KYNU: variants seen among roughly 807,000 people sequenced by gnomAD.
KYNU encodes kynureninase.
Under a neutral mutation model 59.2 loss-of-function variants are expected in KYNU, and 54 were observed. That is an observed-to-expected ratio of 0.91 (90% CI 0.73 to 1.14). The LOEUF (loss-of-function observed/expected upper bound fraction) is 1.14. Ranked by LOEUF, KYNU falls within the 50% of genes most tolerant of loss-of-function variation. The probability of loss-of-function intolerance (pLI) is 0.00; values close to 1 mark genes in which losing one functional copy is unlikely to be tolerated. For missense variants in KYNU, 567 were observed against 554.4 expected (o/e 1.02, Z -0.23); for synonymous variants, 177 against 192.0 (o/e 0.92, Z 0.65).
chr2:142,944,669 CT>C (rs113445233), intron 4 of KYNU, among the ~76,000 whole-genome samples: 51 of 151,524 alleles, frequency 3.4e-4, no homozygotes, highest in Admixed American at 6.6e-4. Flanking sequence ...CTTTGGTTAA[CT>C]TTTAAAAAAA....
At chr2:143,013,278 C>T (rs1686162797) in intron 10 of KYNU, among the ~76,000 whole-genome samples, 1 of 148,272 alleles carries the variant, frequency 6.7e-6, no homozygotes, top group African/African-American at 2.6e-5. Context: ...CTGTCTCTCT[C>T]TGTTTCTCTG....
intron 2 of KYNU, among the ~76,000 whole-genome samples, chr2:142,912,718 T>TC (rs1466442933): frequency 1.4e-4 from 19 of 138,360 alleles, no homozygotes; most frequent in African/African-American, 4.7e-4. Flanking sequence ...TTTTTTTTTT[T>TC]TTTTTTTTTG....
chr2:142,909,172 T>TTG (rs3068478), intron 2 of KYNU, among the ~76,000 whole-genome samples: 4 of 152,004 alleles, frequency 2.6e-5, no homozygotes, highest in African/African-American at 9.7e-5. Flanking sequence ...TTTTTTTTTT[T>TTG]GTGGAAGTCA....
rs1349811935 is a variant in KYNU at position 143,052,788 on chromosome 2, TGAA to T, written c.*10621_*10623del. Reference sequence around the variant, plus strand: ...TCATGGAGAACCTCTGCTAGGGCAGTGAAGAAGGGAAAAGTATGGTGGGAGCCC... The same window carrying T: ...TCATGGAGAACCTCTGCTAGGGCAGTGAAGGGAAAAGTATGGTGGGAGCCC... On this transcript the variant is annotated 3_prime_UTR_variant, in exon 14 of 14. Coordinates refer to ENST00000264170, the MANE Select transcript of KYNU (RefSeq NM_003937.3). 1.3e-5 allele frequency: 2 copies of T among 152,272 alleles called. No homozygotes were observed. The highest frequency in any genetic ancestry group is 2.9e-5 in the Non-Finnish European group (2 of 68,080). The allele number at this position is 152,272 out of a possible 1,614,324, so 9.4% of individuals were successfully genotyped here.
intron 8 of KYNU, among the ~76,000 whole-genome samples, chr2:142,978,464 C>T (rs1205654850): frequency 6.6e-6 from 1 of 152,076 alleles, no homozygotes; most frequent in Non-Finnish European, 1.5e-5. Flanking sequence ...GGTCATACTC[C>T]ATGTTAATAC....
intron 10 of KYNU, among the ~76,000 whole-genome samples, chr2:142,996,938 C>T (rs551820466): frequency 6.6e-6 from 1 of 152,218 alleles, no homozygotes; most frequent in East Asian, 1.9e-4. Flanking sequence ...GAGTGAACTG[C>T]TGGTAGTGAT....
chr2:142,923,379 C>T (rs1682946048), intron 3 of KYNU, among the ~76,000 whole-genome samples: 1 of 152,114 alleles, frequency 6.6e-6, no homozygotes, highest in African/African-American at 2.4e-5. Flanking sequence ...AATATTTAGG[C>T]AATTCCAGTA....
intron 10 of KYNU, among the ~76,000 whole-genome samples, chr2:143,004,420 A>G (rs919212700): frequency 2.6e-5 from 4 of 152,164 alleles, no homozygotes; most frequent in Non-Finnish European, 5.9e-5. Context: ...GGAAATAAAA[A>G]ATAAAGGCAG....
At chr2:142,900,245 G>T (rs1169246540) in intron 2 of KYNU, among the ~76,000 whole-genome samples, 1 of 152,214 alleles carries the variant, frequency 6.6e-6, no homozygotes, top group Non-Finnish European at 1.5e-5. Flanking sequence ...TGAACACACT[G>T]CTGGATCCAG....
chr2:143,028,809 T>C lies in KYNU; in HGVS notation c.903-818T>C, dbSNP rs533108224. Among the ~76,000 whole-genome samples the C allele has an allele frequency of 2.0e-5, 3 of 151,882 alleles. No homozygotes were observed. The South Asian group carries it at 6.3e-4, about 32-fold the overall frequency. On this transcript the variant is annotated intron_variant, in intron 10 of 13. Transcript: ENST00000264170. Reference sequence around the variant, plus strand: ...GTTGTGGTGAGCCAAGATTGCTCCATTGCACTCCAGCCTGGGCAACAAGAG... The same window carrying C: ...GTTGTGGTGAGCCAAGATTGCTCCACTGCACTCCAGCCTGGGCAACAAGAG...
chr2:143,033,079 G>A (rs1030264805), intron 11 of KYNU, among the ~76,000 whole-genome samples, 157 bp from the exon 12 acceptor site: 1 of 152,074 alleles, frequency 6.6e-6, no homozygotes, highest in South Asian at 2.1e-4. Flanking sequence ...AAATAACGTC[G>A]ATATTTTAGT....
chr2:142,923,430 ATACT>A (rs1322528080), intron 3 of KYNU, among the ~76,000 whole-genome samples: 1 of 152,216 alleles, frequency 6.6e-6, no homozygotes, highest in East Asian at 1.9e-4. Flanking sequence ...TATTTATTTG[ATACT>A]TAATAATTAT....
chr2:143,042,621 T>C lies in KYNU; in HGVS notation c.*449T>C, dbSNP rs1286648088. The C allele has an allele frequency of 3.7e-5, 5 of 134,174 alleles. No individual in the cohort carries two copies. Among genetic ancestry groups the C allele is most frequent in the Non-Finnish European group, 7.9e-5 (5 of 63,302 alleles). The allele number at this position is 134,174 out of a possible 1,614,324, so 8.3% of individuals were successfully genotyped here. A position where few individuals can be genotyped will look rare whatever the true frequency, so the allele number is the denominator to read the frequency against. ...ATATATATATATATATATATATATA[T>C]ATATATATATGTGTGTGTGTGTGTG... On this transcript the variant is annotated 3_prime_UTR_variant, in exon 14 of 14. Coordinates refer to ENST00000264170, the MANE Select transcript of KYNU (RefSeq NM_003937.3).
chr2:142,949,999 A>G (rs1022826364), intron 4 of KYNU, among the ~76,000 whole-genome samples: 14 of 152,136 alleles, frequency 9.2e-5, no homozygotes, highest in Admixed American at 2.6e-4. Context: ...TCTCAAGTTC[A>G]AAGTTCCATA....
intron 2 of KYNU, among the ~76,000 whole-genome samples, chr2:142,901,675 G>A (rs1309970631): frequency 1.3e-5 from 2 of 152,072 alleles, no homozygotes; most frequent in South Asian, 2.1e-4. Context: ...CTTTGAGTCT[G>A]TATGTATATT....
chr2:143,017,582 G>A (rs1477007859), intron 10 of KYNU, among the ~76,000 whole-genome samples: 1 of 151,632 alleles, frequency 6.6e-6, no homozygotes, highest in African/African-American at 2.4e-5. Context: ...GGGATTACAG[G>A]CATGCACCAT....
intron 7 of KYNU, among the ~76,000 whole-genome samples, chr2:142,959,582 G>A (rs970648817): frequency 2.7e-4 from 41 of 149,166 alleles, no homozygotes; most frequent in African/African-American, 6.9e-4. Context: ...GTGAAGCTCC[G>A]TCTCAAAAAA....
At chr2:142,971,359 T>C (rs1010150260) in intron 8 of KYNU, 10 of 152,040 alleles carry the variant, frequency 6.6e-5, no homozygotes, top group African/African-American at 2.4e-4. Flanking sequence ...ATTCTTACAA[T>C]GAAGTGTAAA....
chr2:142,935,435 G>A (rs936493809), intron 4 of KYNU, among the ~76,000 whole-genome samples: 5 of 152,154 alleles, frequency 3.3e-5, no homozygotes, highest in Non-Finnish European at 7.4e-5. Context: ...CTGCCTCTGC[G>A]CCAGTAGGCT....
Sources: allele counts gnomAD v4.1 joint callset (sites outside exome capture counted in the v4.1 genomes callset), GRCh38; gene constraint gnomAD v4.1.1; transcripts MANE v1.5; gene names NCBI Gene and HGNC (gene_info 2026-07-23, HGNC 2026-07-21).